ZNF136: variants seen among roughly 807,000 people sequenced by gnomAD.
ZNF136 encodes the protein zinc finger protein 136, also known as zinc finger protein 136 (clone pHZ-20).
Under a neutral mutation model 11.4 loss-of-function variants are expected in ZNF136, and 8 were observed. The observed-to-expected ratio is 0.70, with a 90% CI of 0.41 to 1.27. The LOEUF is 1.27. Among genes scored for constraint, ZNF136 ranks in the 50% most tolerant of loss-of-function variants. The pLI is 0.01. For missense variants in ZNF136, 590 were observed against 656.5 expected, an observed-to-expected ratio of 0.90 and a Z score of 1.11; for synonymous variants, 190 against 207.1, an observed-to-expected ratio of 0.92 and a Z score of 0.71.
In ZNF136 at chr19:12,187,859, A is replaced by G. The variant is rs1354816059; in HGVS notation, c.1481A>G (p.His494Arg). 3.7e-6 allele frequency: 6 copies of G among 1,604,220 alleles called. No individual in the cohort carries two copies. The highest frequency in any genetic ancestry group is 5.1e-6 in the Non-Finnish European group (6 of 1,176,960). ...AFRSSSSFRLHERTHTGQKPY... is the reference protein window; with the variant it reads ...AFRSSSSFRLRERTHTGQKPY... ...AGATCTTCTAGTTCCTTTCGACTAC[A>G]TGAAAGGACTCACACTGGACAGAAA... Residue 494 changes from histidine (H) to arginine (R), a missense_variant, in exon 4 of 4, where the codon CAT becomes CGT. By Grantham distance (29) the His-to-Arg change is conservative (BLOSUM62 0). Transcript: ENST00000343979.
intron 1 of ZNF136, among the ~76,000 whole-genome samples, chr19:12,173,507 A>T (rs1025878881): frequency 6.6e-6 from 1 of 152,176 alleles, no homozygotes; most frequent in Non-Finnish European, 1.5e-5. Context: ...ACTCATCCTC[A>T]TGCCAGGAGC....
intron 1 of ZNF136, among the ~76,000 whole-genome samples, chr19:12,163,431 C>G (rs1043814601): frequency 1.3e-5 from 2 of 152,232 alleles, no homozygotes; most frequent in Admixed American, 6.5e-5. Context: ...ATTGCGGCCC[C>G]GGCCCCGAAG....
chr19:12,168,067 T>C (rs1053503689), intron 1 of ZNF136, among the ~76,000 whole-genome samples: 8 of 120,194 alleles, frequency 6.7e-5, no homozygotes, highest in African/African-American at 2.3e-4. Flanking sequence ...CTTTTTTTTT[T>C]TTTTTTTTTT....
At chr19:12,185,013 A>ATAAC (rs1245858237) in intron 1 of ZNF136, 1 of 152,200 alleles carries the variant, frequency 6.6e-6, no homozygotes, top group Non-Finnish European at 1.5e-5. Context: ...GTGGTGTTAG[A>ATAAC]TAACAGTGTT....
At chr19:12,186,445 C>A in intron 3 of ZNF136, 125 bp from the exon 4 acceptor site, 1 of 912,920 alleles carries the variant, frequency 1.1e-6, no homozygotes, top group Non-Finnish European at 1.6e-6. Context: ...TTCATTCATG[C>A]TCAAACAAAT....
intron 1 of ZNF136, among the ~76,000 whole-genome samples, chr19:12,183,523 T>G (rs1046612904): frequency 1.3e-5 from 2 of 152,112 alleles, no homozygotes; most frequent in Admixed American, 6.6e-5. Context: ...GGAGAATCAC[T>G]CTTCATTATG....
chr19:12,168,434 A>G (rs1914545931), intron 1 of ZNF136, among the ~76,000 whole-genome samples: 1 of 151,998 alleles, frequency 6.6e-6, no homozygotes, highest in Non-Finnish European at 1.5e-5. Flanking sequence ...CTGTTAATGT[A>G]AAAATTCTGG....
chr19:12,175,593 G>A (rs1027652280), intron 1 of ZNF136, among the ~76,000 whole-genome samples: 4 of 152,024 alleles, frequency 2.6e-5, no homozygotes, highest in African/African-American at 4.8e-5. Flanking sequence ...GTCACAACCC[G>A]TCCAGCTATC....
chr19:12,174,091 G>A (rs1042346032), intron 1 of ZNF136, among the ~76,000 whole-genome samples: 3 of 152,150 alleles, frequency 2.0e-5, no homozygotes, highest in Admixed American at 6.6e-5. Context: ...TTTTAGTAGA[G>A]ATGGGGTTTC....
intron 1 of ZNF136, among the ~76,000 whole-genome samples, chr19:12,174,880 C>T (rs1337454274): frequency 7.5e-5 from 7 of 93,762 alleles, no homozygotes; most frequent in Non-Finnish European, 7.9e-5. Flanking sequence ...TTTTTTGAGA[C>T]GGAATCTTGC....
At chr19:12,173,467 T>C (rs1914710862) in intron 1 of ZNF136, among the ~76,000 whole-genome samples, 1 of 151,482 alleles carries the variant, frequency 6.6e-6, no homozygotes, top group Non-Finnish European at 1.5e-5. Context: ...ACTCAGGGAG[T>C]CTTGTATTAT....
In ZNF136 at chr19:12,172,373, C is replaced by A. The variant is rs138147651; in HGVS notation, c.3+9167C>A. On this transcript the variant is annotated intron_variant, in intron 1 of 3. Transcript: ENST00000343979. ...TTTCTTGGAGGATATTTAAAATGTG[C>A]CTTTCAAGGGATATTTCTTCATTCT... Among the ~76,000 whole-genome samples, 92 of 152,196 alleles carry A rather than the reference C, an allele frequency of 6.0e-4. No homozygotes were observed. The East Asian group carries it at 0.017, about 28-fold the overall frequency.
At chr19:12,165,627 T>C (rs767530627) in intron 1 of ZNF136, among the ~76,000 whole-genome samples, 9 of 152,216 alleles carry the variant, frequency 5.9e-5, no homozygotes, top group Non-Finnish European at 5.9e-5. Context: ...TTCCAGTACA[T>C]TTGAGAGTCA....
chr19:12,187,855 C>T lies in ZNF136; in HGVS notation c.1477C>T (p.Leu493=), dbSNP rs766326793. 3 of 1,600,172 alleles carry T rather than the reference C, an allele frequency of 1.9e-6. No individual in the cohort carries two copies. Among genetic ancestry groups the T allele is most frequent in the Non-Finnish European group, 2.6e-6 (3 of 1,175,296 alleles). ...KAFRSSSSFR[L]HERTHTGQKP... Reference sequence around the variant, plus strand: ...CTTTAGATCTTCTAGTTCCTTTCGACTACATGAAAGGACTCACACTGGACA... The same window carrying T: ...CTTTAGATCTTCTAGTTCCTTTCGATTACATGAAAGGACTCACACTGGACA... The change falls in exon 4 of 4, where the codon CTA becomes TTA. Residue 493 remains leucine (L), a synonymous_variant. Transcript: ENST00000343979.
At position 12,188,194 on chromosome 19, in the gene ZNF136, G is replaced by A; in HGVS notation, c.*193G>A. On this transcript the variant is annotated 3_prime_UTR_variant, in exon 4 of 4. Coordinates refer to ENST00000343979, the MANE Select transcript of ZNF136 (RefSeq NM_003437.5). Reference sequence around the variant, plus strand: ...TTTAGTTCCTTTCAAATACATGAAAGAACTCATCATGGAGAAAACCAAACA... The same window carrying A: ...TTTAGTTCCTTTCAAATACATGAAAAAACTCATCATGGAGAAAACCAAACA... 2.2e-6 allele frequency: 1 copy of A among 449,276 alleles called. No homozygotes were observed. The allele number at this position is 449,276 out of a possible 1,614,324, so 27.8% of individuals were successfully genotyped here. A position where few individuals can be genotyped will look rare whatever the true frequency, so the allele number is the denominator to read the frequency against.
chr19:12,170,682 T>C (rs980483386), intron 1 of ZNF136, among the ~76,000 whole-genome samples: 6 of 151,304 alleles, frequency 4.0e-5, no homozygotes, highest in Admixed American at 6.6e-5. Flanking sequence ...TTTTTTTTTT[T>C]CGAGACGGAG....
At chr19:12,168,171 C>G (rs1914534129) in intron 1 of ZNF136, among the ~76,000 whole-genome samples, 1 of 137,452 alleles carries the variant, frequency 7.3e-6, no homozygotes, top group Non-Finnish European at 1.5e-5. Context: ...CTCCTGGGTT[C>G]AAGCGATTCT....
intron 1 of ZNF136, among the ~76,000 whole-genome samples, chr19:12,167,387 C>A (rs1977201555): frequency 6.6e-6 from 1 of 152,188 alleles, no homozygotes; most frequent in Non-Finnish European, 1.5e-5. Flanking sequence ...TCCCACTGAT[C>A]AGTGAAGACA....
At chr19:12,178,873 C>T (rs1299315084) in intron 1 of ZNF136, among the ~76,000 whole-genome samples, 4 of 152,090 alleles carry the variant, frequency 2.6e-5, no homozygotes, top group African/African-American at 9.6e-5. Context: ...CCCATAGTCC[C>T]TGCTACTCGG....
Sources: gnomAD v4.1 joint callset for allele counts (sites outside exome capture counted in the v4.1 genomes callset) on GRCh38, gnomAD v4.1.1 for gene constraint, MANE v1.5 for transcripts, NCBI Gene and HGNC (gene_info 2026-07-23, HGNC 2026-07-21) for gene names.